The following WARS2 variants were observed in gnomAD, a reference collection of about 807,000 sequenced individuals.
WARS2 encodes tryptophan--tRNA ligase, mitochondrial.
In WARS2, 28 loss-of-function variants were observed where a neutral mutation model predicts 36.5. That is an observed-to-expected ratio of 0.77 (90% confidence interval 0.57 to 1.05). WARS2 has a LOEUF of 1.05. Ranked by LOEUF, WARS2 falls within the 50% of genes least tolerant of loss-of-function variation. The probability of loss-of-function intolerance (pLI) is 0.00; values close to 1 mark genes in which losing one functional copy is unlikely to be tolerated. For missense variants in WARS2, 435 were observed against 456.8 expected, an observed-to-expected ratio of 0.95 and a Z score of 0.44; for synonymous variants, 174 against 178.4, an observed-to-expected ratio of 0.98 and a Z score of 0.20.
chr1:119,103,134 G>A (rs888621426), intron 1 of WARS2, among the ~76,000 whole-genome samples: 5 of 152,138 alleles, frequency 3.3e-5, no homozygotes, highest in Admixed American at 2.6e-4. Context: ...ATTGCTCATC[G>A]AATTGACCAG....
chr1:119,127,270 G>A lies in WARS2; in HGVS notation c.90+13285C>T, dbSNP rs115906768. 6.0e-3 allele frequency: 4,439 copies of A among 739,874 alleles called. 70 individuals carry two copies. The highest frequency in any genetic ancestry group is 0.04 in the East Asian group (1,375 of 34,224). The allele number at this position is 739,874 out of a possible 1,614,324, so 45.8% of individuals were successfully genotyped here. A position where few individuals can be genotyped will look rare whatever the true frequency, so the allele number is the denominator to read the frequency against. On this transcript the variant is annotated intron_variant, in intron 1 of 5. Coordinates refer to ENST00000235521, the MANE Select transcript of WARS2 (RefSeq NM_015836.4). ...CCCTTTTTGCCGCCTTTCATAAGGCGCTTGTTCTTGCCAACCTCCATGGTG... is the reference window on the plus strand; with the variant it reads ...CCCTTTTTGCCGCCTTTCATAAGGCACTTGTTCTTGCCAACCTCCATGGTG...
chr1:119,135,642 G>A (rs890286908), intron 1 of WARS2, among the ~76,000 whole-genome samples: 1 of 152,072 alleles, frequency 6.6e-6, no homozygotes, highest in African/African-American at 2.4e-5. Flanking sequence ...TGAGACTTTA[G>A]CACATAGCAG....
chr1:119,118,426 G>A (rs905445835), intron 1 of WARS2, among the ~76,000 whole-genome samples: 2 of 151,808 alleles, frequency 1.3e-5, no homozygotes, highest in East Asian at 3.9e-4. Flanking sequence ...AAGAAATGTG[G>A]GATTATGTTA....
chr1:119,126,434 T>C (rs1655662133), intron 1 of WARS2: 2 of 368,600 alleles, frequency 5.4e-6, no homozygotes, highest in African/African-American at 4.2e-5. Context: ...CAAATATTAA[T>C]TGATTGAATT....
intron 1 of WARS2, chr1:119,127,439 A>G (rs1309565201): frequency 1.6e-4 from 56 of 356,098 alleles, no homozygotes; most frequent in South Asian, 6.7e-5. Flanking sequence ...AAATCCTGGC[A>G]GTCTAGCTCA....
At chr1:119,039,755 T>C (rs1372549225) in intron 4 of WARS2, among the ~76,000 whole-genome samples, 1 of 152,174 alleles carries the variant, frequency 6.6e-6, no homozygotes, top group Non-Finnish European at 1.5e-5. Flanking sequence ...ATTATGTTTG[T>C]TTTCTGACCC....
chr1:119,089,634 G>A (rs1571343181), intron 1 of WARS2, among the ~76,000 whole-genome samples: 3 of 152,140 alleles, frequency 2.0e-5, no homozygotes, highest in African/African-American at 7.2e-5. Context: ...CATATCTGGA[G>A]ATCAAAATTT....
Position 119,118,630 on chromosome 1 carries a change from C to T in WARS2, c.90+21925G>A, listed in dbSNP as rs370981178. On this transcript the variant is annotated intron_variant, in intron 1 of 5. Transcript: ENST00000235521. ...CATAATCACCTAGGCACATAGTCAT[C>T]AGTTTATCTAAAGTCAAGATGAAGG... Among the ~76,000 whole-genome samples, 8 of 152,274 alleles carry T rather than the reference C, an allele frequency of 5.3e-5. No homozygotes were observed. In the East Asian group the frequency reaches 1.5e-3, roughly 29 times the overall value.
intron 1 of WARS2, chr1:119,126,976 T>C (rs939891456): frequency 5.4e-6 from 4 of 736,152 alleles, no homozygotes; most frequent in Admixed American, 1.8e-5. Flanking sequence ...CATTTTGTCA[T>C]GGGTAAGATC....
chr1:119,056,851 A>T (rs1467422376), intron 2 of WARS2, among the ~76,000 whole-genome samples: 2 of 152,046 alleles, frequency 1.3e-5, no homozygotes, highest in Non-Finnish European at 2.9e-5. Flanking sequence ...GTTTTATACA[A>T]CTCTTTTTGT....
Position 119,126,883 on chromosome 1 carries a change from G to A in WARS2, c.90+13672C>T, listed in dbSNP as rs144325377. On this transcript the variant is annotated intron_variant, in intron 1 of 5. Coordinates refer to ENST00000235521, the MANE Select transcript of WARS2 (RefSeq NM_015836.4). Reference sequence around the variant, plus strand: ...TGGTGCTGAGCATAAGAGGTCTTCCGTACCTGATTGTTGCATTTTTTAGTA... The same window carrying A: ...TGGTGCTGAGCATAAGAGGTCTTCCATACCTGATTGTTGCATTTTTTAGTA... The A allele has an allele frequency of 4.1e-3, 3,297 of 806,110 alleles. 37 individuals are homozygous for A. The highest frequency in any genetic ancestry group is 0.026 in the South Asian group (1,901 of 73,654). The allele number at this position is 806,110 out of a possible 1,614,324, so 49.9% of individuals were successfully genotyped here. A position where few individuals can be genotyped will look rare whatever the true frequency, so the allele number is the denominator to read the frequency against.
intron 1 of WARS2, among the ~76,000 whole-genome samples, chr1:119,101,743 T>C (rs140664401): frequency 1.3e-5 from 2 of 152,272 alleles, no homozygotes; most frequent in African/African-American, 4.8e-5. Context: ...TCAAAGTTAC[T>C]GGAACATTCT....
chr1:119,139,786 G>C (rs1278068442), intron 1 of WARS2: 1 of 152,208 alleles, frequency 6.6e-6, no homozygotes, highest in South Asian at 2.1e-4. Flanking sequence ...GCTTGCCACT[G>C]AGACTGTACT....
chr1:119,092,299 C>T (rs1000632523), intron 1 of WARS2, among the ~76,000 whole-genome samples: 2 of 152,264 alleles, frequency 1.3e-5, no homozygotes, highest in African/African-American at 4.8e-5. Flanking sequence ...AGCACTCTTG[C>T]TTTTCAAGAC....
intron 2 of WARS2, among the ~76,000 whole-genome samples, chr1:119,072,081 G>A (rs1207665426): frequency 6.6e-6 from 1 of 152,082 alleles, no homozygotes; most frequent in Non-Finnish European, 1.5e-5. Flanking sequence ...GGGTCATGTG[G>A]CTAAGATAAT....
intron 2 of WARS2, among the ~76,000 whole-genome samples, chr1:119,048,201 A>C (rs552756506): frequency 2.0e-5 from 3 of 152,220 alleles, no homozygotes; most frequent in Non-Finnish European, 4.4e-5. Context: ...CACAATAAGC[A>C]TTGCAAAGTA....
chr1:119,041,364 G>A (rs1262742751), intron 4 of WARS2, among the ~76,000 whole-genome samples: 1 of 152,122 alleles, frequency 6.6e-6, no homozygotes, highest in Admixed American at 6.5e-5. Flanking sequence ...GAATTGAGAG[G>A]GGGATGAAAT....
intron 1 of WARS2, among the ~76,000 whole-genome samples, chr1:119,114,922 A>G (rs972339136): frequency 2.0e-5 from 3 of 152,188 alleles, no homozygotes; most frequent in African/African-American, 7.2e-5. Flanking sequence ...CCAATCTCAG[A>G]GGAGACTAGA....
At chr1:119,037,830 C>A (rs1648006439) in intron 4 of WARS2, among the ~76,000 whole-genome samples, 3 of 152,200 alleles carry the variant, frequency 2.0e-5, no homozygotes, top group Non-Finnish European at 4.4e-5. Context: ...ATCAGTTTTA[C>A]TTCCTAAATG....
Sources: allele counts gnomAD v4.1 joint callset (sites outside exome capture counted in the v4.1 genomes callset), GRCh38; gene constraint gnomAD v4.1.1; transcripts MANE v1.5; gene names NCBI Gene and HGNC (gene_info 2026-07-23, HGNC 2026-07-21).